The following FBXW8 variants were observed in gnomAD, a reference collection of about 807,000 sequenced individuals.
The protein encoded by FBXW8 is F-box/WD repeat-containing protein 8.
In FBXW8, 57 loss-of-function variants were observed where a neutral mutation model predicts 65.3. That is an observed-to-expected ratio of 0.87 (90% CI 0.71 to 1.09). The LOEUF is 1.09. FBXW8 is among the 50% of genes least tolerant of loss of function. FBXW8 has a pLI of 0.00. For missense variants in FBXW8, 777 were observed against 814.8 expected, an observed-to-expected ratio of 0.95 and a Z score of 0.57; for synonymous variants, 308 against 330.2, an observed-to-expected ratio of 0.93 and a Z score of 0.73.
At chr12:116,922,328 C>T (rs537451281) in intron 1 of FBXW8, among the ~76,000 whole-genome samples, 2 of 152,208 alleles carry the variant, frequency 1.3e-5, no homozygotes, top group Non-Finnish European at 2.9e-5. Flanking sequence ...GGGTCTACTC[C>T]ACTCAGCTTT....
In FBXW8 at chr12:116,967,755, G is replaced by A. The variant is rs186133425; in HGVS notation, c.835+2901G>A. On this transcript the variant is annotated intron_variant, in intron 5 of 10. Coordinates refer to ENST00000652555, the MANE Select transcript of FBXW8 (RefSeq NM_153348.3). ...CATATGTGTTTCCGATATTTTTTCC[G>A]TAAGTCACTTATTCTTTTTTGTTTG... 3.3e-5 allele frequency among the ~76,000 whole-genome samples: 5 copies of A among 152,142 alleles called. No homozygotes were observed. In the East Asian group the frequency reaches 5.8e-4, roughly 18 times the overall value.
intron 7 of FBXW8, among the ~76,000 whole-genome samples, chr12:116,998,282 G>A (rs1405103728): frequency 6.6e-6 from 1 of 152,164 alleles, no homozygotes; most frequent in Non-Finnish European, 1.5e-5. Flanking sequence ...AGTCTTAAAT[G>A]TCTTTTGTCT....
At chr12:116,933,662 C>A (rs774165583) in intron 2 of FBXW8, among the ~76,000 whole-genome samples, 12 of 152,156 alleles carry the variant, frequency 7.9e-5, no homozygotes, top group African/African-American at 2.7e-4. Flanking sequence ...AACAGAACCC[C>A]GTTAGCGTAC....
At chr12:117,024,952 C>T (rs1224578438) in intron 9 of FBXW8, among the ~76,000 whole-genome samples, 1 of 152,194 alleles carries the variant, frequency 6.6e-6, no homozygotes, top group Admixed American at 6.5e-5. Context: ...AGGCTGATGG[C>T]GTCACAGAGG....
At chr12:116,941,563 A>G (rs1882567760) in intron 2 of FBXW8, among the ~76,000 whole-genome samples, 1 of 152,220 alleles carries the variant, frequency 6.6e-6, no homozygotes, top group Non-Finnish European at 1.5e-5. Flanking sequence ...TAGGTTGGTC[A>G]GTATTGCTTT....
intron 4 of FBXW8, among the ~76,000 whole-genome samples, chr12:116,959,315 GTGGTTCT>G (rs1883844057): frequency 6.6e-6 from 1 of 152,198 alleles, no homozygotes; most frequent in Non-Finnish European, 1.5e-5. Context: ...TTAAATGGGG[GTGGTTCT>G]TAAAAGCAGT....
chr12:116,967,664 T>G (rs1351581644), intron 5 of FBXW8, among the ~76,000 whole-genome samples: 1 of 152,248 alleles, frequency 6.6e-6, no homozygotes, highest in African/African-American at 2.4e-5. Flanking sequence ...TTCCTGTCTT[T>G]CTTCATTTTT....
intron 1 of FBXW8, among the ~76,000 whole-genome samples, chr12:116,913,145 AG>A (rs1421774989): frequency 6.6e-6 from 1 of 151,918 alleles, no homozygotes; most frequent in East Asian, 1.9e-4. Context: ...TCACCAGGGA[AG>A]GGGCCCTGAA....
intron 9 of FBXW8, among the ~76,000 whole-genome samples, chr12:117,027,118 A>AT (rs1255933948): frequency 6.6e-6 from 1 of 152,134 alleles, no homozygotes; most frequent in Non-Finnish European, 1.5e-5. Flanking sequence ...TGTGCCCTTT[A>AT]TGTCTGGAAT....
In FBXW8 at chr12:116,911,058, T is replaced by C; in HGVS notation, c.21T>C (p.Asp7=). 1 of 1,453,722 alleles carries C rather than the reference T, an allele frequency of 6.9e-7. No individual in the cohort carries two copies. Among genetic ancestry groups the C allele is most frequent in the Non-Finnish European group, 9.0e-7 (1 of 1,111,192 alleles). The allele number at this position is 1,453,722 out of a possible 1,614,324, so 90.1% of individuals were successfully genotyped here. A position where few individuals can be genotyped will look rare whatever the true frequency, so the allele number is the denominator to read the frequency against. The part of the protein sequence containing the change: MDDYSL[D]EFRRRWQEEL... Reference sequence around the variant, plus strand: ...CGAATATGGACGACTACAGCCTGGATGAGTTCCGTCGGCGCTGGCAGGAGG... The same window carrying C: ...CGAATATGGACGACTACAGCCTGGACGAGTTCCGTCGGCGCTGGCAGGAGG... The change falls in exon 1 of 11, where the codon GAT becomes GAC. Residue 7 remains aspartate, a synonymous_variant. Coordinates refer to ENST00000652555, the MANE Select transcript of FBXW8 (RefSeq NM_153348.3).
Position 117,027,559 on chromosome 12 carries a change from A to AC in FBXW8, c.1652+55_1652+56insC. The AC allele has an allele frequency of 1.7e-5, 23 of 1,341,976 alleles. No individual in the cohort carries two copies. The Middle Eastern group carries it at 7.5e-4, about 44-fold the overall frequency. 83.1% of individuals were successfully genotyped at this position (1,341,976 alleles called of 1,614,324 possible). ...CCATCTTAGTTTGACTGATGTATAG[A>AC]ACCCCACCCCCCCCGCCGTGACACA... On this transcript the variant is annotated intron_variant, in intron 10 of 10. Coordinates refer to ENST00000652555, the MANE Select transcript of FBXW8 (RefSeq NM_153348.3).
At chr12:116,949,519 G>A in intron 3 of FBXW8, 99 bp from the exon 4 acceptor site, 1 of 989,196 alleles carries the variant, frequency 1.0e-6, no homozygotes, top group East Asian at 2.4e-5. Flanking sequence ...TGTCCATGCT[G>A]TAGAGAATTG....
In FBXW8 at chr12:116,936,939, G is replaced by A. The variant is rs1882204373; in HGVS notation, c.424-8425G>A. On this transcript the variant is annotated intron_variant, in intron 2 of 10. Coordinates refer to ENST00000652555, the MANE Select transcript of FBXW8 (RefSeq NM_153348.3). This position sits in a 1 kb window ranked among gnomAD's most constrained non-coding sequence, Gnocchi z 4.6. ...CCCTACGTTTAAAAAGGGACCATTT[G>A]GGCTGCTGTGTGGAGAATCGGTTGT... Among the ~76,000 whole-genome samples, 1 of 152,266 alleles carries A rather than the reference G, an allele frequency of 6.6e-6. No homozygotes were observed. The highest frequency in any genetic ancestry group is 2.4e-5 in the African/African-American group (1 of 41,554).
chr12:116,929,791 C>G (rs548057266), intron 2 of FBXW8, among the ~76,000 whole-genome samples: 28 of 152,276 alleles, frequency 1.8e-4, no homozygotes, highest in African/African-American at 6.5e-4. Flanking sequence ...ACTTATTTCT[C>G]TCATCTAACT....
At chr12:116,973,877 AAAAT>A (rs1248758884) in intron 5 of FBXW8, among the ~76,000 whole-genome samples, 1 of 152,238 alleles carries the variant, frequency 6.6e-6, no homozygotes, top group Non-Finnish European at 1.5e-5. Context: ...AAAAAGATAA[AAAAT>A]AACGTGTTTT....
intron 1 of FBXW8, among the ~76,000 whole-genome samples, chr12:116,920,719 T>A (rs1880829790): frequency 6.6e-6 from 1 of 152,160 alleles, no homozygotes; most frequent in African/African-American, 2.4e-5. Context: ...GACCCGCACT[T>A]AGTTTAATGC....
intron 2 of FBXW8, among the ~76,000 whole-genome samples, chr12:116,933,274 G>T (rs867337376): frequency 1.3e-5 from 2 of 152,226 alleles, no homozygotes; most frequent in African/African-American, 4.8e-5. Flanking sequence ...GTCAGCATTA[G>T]ATGATAAAAT....
chr12:116,929,276 C>T (rs996310300), intron 2 of FBXW8, among the ~76,000 whole-genome samples: 7 of 152,062 alleles, frequency 4.6e-5, no homozygotes, highest in Admixed American at 6.5e-5. Flanking sequence ...GCTCTGTCAC[C>T]GAGGCTGGAG....
intron 7 of FBXW8, among the ~76,000 whole-genome samples, chr12:116,996,529 A>G (rs2135688303): frequency 6.6e-6 from 1 of 151,858 alleles, no homozygotes; most frequent in South Asian, 2.1e-4. Context: ...AAAACTTGGT[A>G]TTTTACAAGC....
Sources: gnomAD v4.1 joint callset for allele counts (sites outside exome capture counted in the v4.1 genomes callset) on GRCh38, gnomAD v4.1.1 for gene constraint, Gnocchi (gnomAD v3.1) non-coding constraint, MANE v1.5 for transcripts, NCBI Gene and HGNC (gene_info 2026-07-23, HGNC 2026-07-21) for gene names.